The following TMEM259 variants were observed in gnomAD, a reference collection of about 807,000 sequenced individuals.
TMEM259 encodes membralin.
A neutral mutation model predicts 46.7 loss-of-function variants in TMEM259; 26 were observed. That is an observed-to-expected ratio of 0.56 (90% confidence interval 0.41 to 0.77). The LOEUF (loss-of-function observed/expected upper bound fraction) is 0.77, where lower values mean the gene tolerates loss of function less well. Among genes scored for constraint, TMEM259 ranks in the 30% least tolerant of loss-of-function variants. The probability of loss-of-function intolerance (pLI) is 0.00; values close to 1 mark genes in which losing one functional copy is unlikely to be tolerated. For missense variants in TMEM259, 930 were observed against 900.5 expected, an observed-to-expected ratio of 1.03 and a Z score of -0.42; for synonymous variants, 494 against 395.1, an observed-to-expected ratio of 1.25 and a Z score of -2.97.
Position 1,010,393 on chromosome 19 carries a change from G to A in TMEM259, c.1820C>T (p.Ala607Val). Residue 607 changes from alanine to valine, a missense_variant, in exon 11 of 11, where the codon GCC becomes GTC. By Grantham distance (64) the Ala-to-Val change is moderately conservative. Transcript: ENST00000356663. The stretch of plus-strand genomic sequence containing the variant: ...GGGCGCCTCCGTTGGGGCCATGGAG[G>A]CCGGGCTAGGCCCGCCTACCGCAGC... The part of the protein sequence containing the change: ...LGAAVGGPSP[A>V]SMAPTEAPSE... 6.6e-7 allele frequency: 1 copy of A among 1,508,968 alleles called. No homozygotes were observed. The highest frequency in any genetic ancestry group is 1.9e-4 in the Middle Eastern group (1 of 5,232). 93.5% of individuals were successfully genotyped at this position (1,508,968 alleles called of 1,614,324 possible). A position where few individuals can be genotyped will look rare whatever the true frequency, so the allele number is the denominator to read the frequency against.
chr19:1,012,671 C>T, intron 3 of TMEM259, 98 bp from the exon 4 acceptor site: 1 of 1,463,808 alleles, frequency 6.8e-7, no homozygotes, highest in Non-Finnish European at 9.1e-7. Flanking sequence ...AGGGTGAGAC[C>T]TGCTGAGCCC....
Position 1,012,467 on chromosome 19 carries a change from G to A in TMEM259, c.714C>T (p.Thr238=), listed in dbSNP as rs767742806. The change falls in exon 4 of 11, where the codon ACC becomes ACT. Residue 238 remains threonine, a synonymous_variant. Coordinates refer to ENST00000356663, the MANE Select transcript of TMEM259 (RefSeq NM_001033026.2). ...AGCCCAGCAGCTCAGACTCACCCAG[G>A]GTGACCACCATGACGGGGATGCTCA... The part of the protein sequence containing the change: ...QRLSIPVMVV[T]LDPTRDQCFG... 2 of 1,599,992 alleles carry A rather than the reference G, an allele frequency of 1.3e-6. No homozygotes were observed. Among genetic ancestry groups the A allele is most frequent in the South Asian group, 1.1e-5 (1 of 88,786 alleles).
chr19:1,011,824 A>AGGCGCTG (rs770631832), intron 6 of TMEM259, 26 bp from the exon 7 acceptor site: 1 of 1,587,134 alleles, frequency 6.3e-7, no homozygotes, highest in Admixed American at 1.8e-5. Context: ...AGGAAGCGCT[A>AGGCGCTG]TGAGGGGCTG....
chr19:1,009,656 T>G lies in TMEM259; in HGVS notation c.*694A>C, dbSNP rs2038827989. Reference sequence around the variant, plus strand: ...ACACACACACAGCGCAGTGAGCCGCTGTCAACAGACAGTTTATTCTATATA... The same window carrying G: ...ACACACACACAGCGCAGTGAGCCGCGGTCAACAGACAGTTTATTCTATATA... On this transcript the variant is annotated 3_prime_UTR_variant, in exon 11 of 11. Transcript: ENST00000356663. The G allele has an allele frequency of 7.7e-7, 1 of 1,300,658 alleles. No homozygotes were observed. Among genetic ancestry groups the G allele is most frequent in the South Asian group, 1.8e-5 (1 of 56,994 alleles). The allele number at this position is 1,300,658 out of a possible 1,614,324, so 80.6% of individuals were successfully genotyped here.
At chr19:1,013,169 C>T (rs1275374163) in intron 3 of TMEM259, 72 bp downstream of exon 3, 130 of 1,365,716 alleles carry the variant, frequency 9.5e-5, no homozygotes, top group Non-Finnish European at 1.3e-4. Flanking sequence ...TTCGGAGGGA[C>T]CCCGCCTGCA....
rs564800791 is a variant in TMEM259 at position 1,010,783 on chromosome 19, G to T, written c.1430C>A (p.Ala477Glu). The T allele has an allele frequency of 6.9e-5, 108 of 1,561,962 alleles. No individual in the cohort carries two copies. Among genetic ancestry groups the T allele is most frequent in the Admixed American group, 2.0e-4 (11 of 54,484 alleles). Residue 477 changes from alanine to glutamate, a missense_variant, in exon 11 of 11, where the codon GCG becomes GAG. By Grantham distance (107) the Ala-to-Glu change is moderately radical. Coordinates refer to ENST00000356663, the MANE Select transcript of TMEM259 (RefSeq NM_001033026.2). ...APPLGPGTPT[A>E]LPDDMNNNSG... ...GTTGTTGTTCATGTCATCGGGCAGC[G>T]CCGTGGGGGTCCCGGGGCCCAGTGG...
rs1226471861 is a variant in TMEM259, at chr19:1,010,425, G to C, written c.1788C>G (p.Pro596=). 6.5e-7 allele frequency: 1 copy of C among 1,532,942 alleles called. No homozygotes were observed. Among genetic ancestry groups the C allele is most frequent in the African/African-American group, 1.4e-5 (1 of 71,400 alleles). The allele number at this position is 1,532,942 out of a possible 1,614,324, so 95.0% of individuals were successfully genotyped here. A position where few individuals can be genotyped will look rare whatever the true frequency, so the allele number is the denominator to read the frequency against. Residue 596 remains proline (P), a synonymous_variant, in exon 11 of 11, where the codon CCC becomes CCG. Transcript: ENST00000356663. ...PSDSAASDTT[P]LGAAVGGPSP... ...TAGGCCCGCCTACCGCAGCCCCCAGGGGAGTTGTGTCAGAAGCTGCGGAGT... is the reference window on the plus strand; with the variant it reads ...TAGGCCCGCCTACCGCAGCCCCCAGCGGAGTTGTGTCAGAAGCTGCGGAGT...
chr19:1,012,576 G>GCAGGGCAGAACCAGGGAC lies in TMEM259; in HGVS notation c.608-21_608-4dup. 6.4e-7 allele frequency: 1 copy of GCAGGGCAGAACCAGGGAC among 1,574,134 alleles called. No homozygotes were observed. The highest frequency in any genetic ancestry group is 8.6e-7 in the Non-Finnish European group (1 of 1,160,642). ...GATGTACTCGTCCTGCGGCCACACTGCAGGGCAGAACCAGGGACCAGGTCA... is the reference window on the plus strand; with the variant it reads ...GATGTACTCGTCCTGCGGCCACACTGCAGGGCAGAACCAGGGACCAGGGCAGAACCAGGGACCAGGTCA... On this transcript the variant is annotated splice_region_variant and splice_polypyrimidine_tract_variant and intron_variant, in intron 3 of 10. Coordinates refer to ENST00000356663, the MANE Select transcript of TMEM259 (RefSeq NM_001033026.2).
Position 1,020,652 on chromosome 19 carries a change from T to A in TMEM259, c.225+120A>T. The A allele has an allele frequency of 1.5e-6, 1 of 660,348 alleles. No individual in the cohort carries two copies. 40.9% of individuals were successfully genotyped at this position (660,348 alleles called of 1,614,324 possible). On this transcript the variant is annotated intron_variant, in intron 1 of 10. Coordinates refer to ENST00000356663, the MANE Select transcript of TMEM259 (RefSeq NM_001033026.2). The surrounding 1 kb of genome is among the most constrained non-coding windows in gnomAD (Gnocchi z 4.0). ...TAATCGGTAGGGCCGGGTATAGGCCTCAGGGTGCAGGGTGGCGCTCGCTGT... is the reference window on the plus strand; with the variant it reads ...TAATCGGTAGGGCCGGGTATAGGCCACAGGGTGCAGGGTGGCGCTCGCTGT...
rs1028547238 is a variant in TMEM259, at chr19:1,010,167, C to A, written c.*183G>T. 4 of 576,996 alleles carry A rather than the reference C, an allele frequency of 6.9e-6. No homozygotes were observed. Among genetic ancestry groups the A allele is most frequent in the Non-Finnish European group, 5.8e-6 (2 of 345,164 alleles). 35.7% of individuals were successfully genotyped at this position (576,996 alleles called of 1,614,324 possible). On this transcript the variant is annotated 3_prime_UTR_variant, in exon 11 of 11. Transcript: ENST00000356663. Reference sequence around the variant, plus strand: ...ACACCTCACTAGCGGGTACAAGCCTCGGGCGCGACCTCACACCAGGGGGAG... The same window carrying A: ...ACACCTCACTAGCGGGTACAAGCCTAGGGCGCGACCTCACACCAGGGGGAG...
At position 1,011,751 on chromosome 19, in the gene TMEM259, G is replaced by A. The variant is rs17850432; in HGVS notation, c.990C>T (p.Phe330=). ...MLLRYSHHQI[F]VFIVDLLQML... The stretch of plus-strand genomic sequence containing the variant: ...CGGCGGGACACTCACCGATGAAGAC[G>A]AAGATCTGGTGGTGTGAGTACCGCA... The change falls in exon 7 of 11, where the codon TTC becomes TTT. Residue 330 remains phenylalanine (F), a synonymous_variant. Coordinates refer to ENST00000356663, the MANE Select transcript of TMEM259 (RefSeq NM_001033026.2). 19 of 1,552,816 alleles carry A rather than the reference G, an allele frequency of 1.2e-5. No individual in the cohort carries two copies. The highest frequency in any genetic ancestry group is 2.3e-5 in the South Asian group (2 of 85,168).
Position 1,010,547 on chromosome 19 carries a change from C to T in TMEM259, c.1666G>A (p.Gly556Ser), listed in dbSNP as rs543346420. The T allele has an allele frequency of 5.8e-6, 9 of 1,548,468 alleles. No homozygotes were observed. The East Asian group carries it at 7.3e-5, about 13-fold the overall frequency. Residue 556 changes from glycine (G) to serine (S), a missense_variant, in exon 11 of 11, where the codon GGC becomes AGC. Gly to Ser is a moderately conservative substitution (Grantham distance 56). Transcript: ENST00000356663. ...CGCTCCAGGAGGGAGGCGCTCAGGC[C>T]GGACAGGAAGGAGGCGTCTGTGATG... ...AIITDASFLS[G>S]LSASLLERRP...
intron 3 of TMEM259, 128 bp downstream of exon 3, chr19:1,013,113 G>A (rs2145579872): frequency 1.3e-6 from 1 of 795,690 alleles, no homozygotes; most frequent in Non-Finnish European, 2.1e-6. Flanking sequence ...CGAGGCACGG[G>A]GGTGCCCTCA....
intron 1 of TMEM259, chr19:1,017,130 C>T (rs958521331): frequency 1.8e-5 from 7 of 397,916 alleles, no homozygotes; most frequent in Non-Finnish European, 2.2e-5. Context: ...CCCAGCCAGA[C>T]GCAGGCTCAT....
At position 1,011,128 on chromosome 19, in the gene TMEM259, G is replaced by C; in HGVS notation, c.1285C>G (p.Leu429Val). The change falls in exon 10 of 11, where the codon CTG (leucine) becomes GTG (valine). Residue 429 changes from leucine (L) to valine (V), a missense_variant. Coordinates refer to ENST00000356663, the MANE Select transcript of TMEM259 (RefSeq NM_001033026.2). The stretch of plus-strand genomic sequence containing the variant: ...AAGAGCCAGGAGGTGACCAGGGCCA[G>C]GCTGCTATACTGCCCATTGAAGCGG... ...HYRFNGQYSSLALVTSWLFIQ... is the reference protein window; with the variant it reads ...HYRFNGQYSSVALVTSWLFIQ... 6.2e-7 allele frequency: 1 copy of C among 1,603,406 alleles called. No homozygotes were observed. Among genetic ancestry groups the C allele is most frequent in the South Asian group, 1.1e-5 (1 of 89,384 alleles).
chr19:1,011,399 G>A lies in TMEM259; in HGVS notation c.1185C>T (p.Cys395=). 6.4e-7 allele frequency: 1 copy of A among 1,565,734 alleles called. No homozygotes were observed. Among genetic ancestry groups the A allele is most frequent in the Non-Finnish European group, 8.6e-7 (1 of 1,157,972 alleles). ...WLADQYDAIC[C]HTSTSKRHWL... ...AATGCCGCTTGCTGGTGCTGGTGTG[G>A]CAGCAGATGGCGTCATACTGGTCCG... Residue 395 remains cysteine, a synonymous_variant, in exon 9 of 11, where the codon TGC becomes TGT. Coordinates refer to ENST00000356663, the MANE Select transcript of TMEM259 (RefSeq NM_001033026.2).
At chr19:1,014,017 T>A (rs2039024917) in intron 2 of TMEM259, among the ~76,000 whole-genome samples, 175 bp downstream of exon 2, 1 of 152,136 alleles carries the variant, frequency 6.6e-6, no homozygotes, top group South Asian at 2.1e-4. Context: ...AGGGTCTTGC[T>A]TCAGAGCCCC....
intron 1 of TMEM259, among the ~76,000 whole-genome samples, chr19:1,018,130 G>A (rs1272605858): frequency 6.6e-6 from 1 of 152,206 alleles, no homozygotes; most frequent in Non-Finnish European, 1.5e-5. Flanking sequence ...TGGGTCCAGA[G>A]CCCAACCGCA....
intron 1 of TMEM259, among the ~76,000 whole-genome samples, chr19:1,015,148 C>A (rs909061196): frequency 3.3e-5 from 5 of 152,260 alleles, no homozygotes; most frequent in African/African-American, 1.2e-4. Flanking sequence ...GCGGGGCCAG[C>A]CGCAGCTGCT....
Sources: allele counts gnomAD v4.1 joint callset (sites outside exome capture counted in the v4.1 genomes callset), GRCh38; gene constraint gnomAD v4.1.1; non-coding constraint Gnocchi (gnomAD v3.1); transcripts MANE v1.5; gene names NCBI Gene and HGNC (gene_info 2026-07-23, HGNC 2026-07-21).